Variants in KLHL1 observed in about 807,000 individuals in gnomAD.
The protein encoded by KLHL1 is kelch-like protein 1.
KLHL1 carries 47 observed loss-of-function variants against 77.7 expected under a neutral mutation model. That is an observed-to-expected ratio of 0.60 (90% CI 0.48 to 0.77). KLHL1 has a LOEUF of 0.77. KLHL1 is among the 30% of genes least tolerant of loss of function. The probability of loss-of-function intolerance (pLI) is 0.00; values close to 1 mark genes in which losing one functional copy is unlikely to be tolerated. For missense variants in KLHL1, 925 were observed against 910.8 expected, an observed-to-expected ratio of 1.02 and a Z score of -0.20; for synonymous variants, 360 against 325.2, an observed-to-expected ratio of 1.11 and a Z score of -1.15.
intron 1 of KLHL1, among the ~76,000 whole-genome samples, chr13:70,079,766 G>A (rs897487241): frequency 1.3e-5 from 2 of 152,080 alleles, no homozygotes; most frequent in African/African-American, 4.8e-5. Flanking sequence ...ATGAGGAAAC[G>A]AAGCATTAGT....
chr13:69,887,096 T>C lies in KLHL1; in HGVS notation c.1015-4601A>G, dbSNP rs115793376. 5.3e-3 allele frequency among the ~76,000 whole-genome samples: 807 copies of C among 152,290 alleles called. 10 individuals are homozygous for C. The highest frequency in any genetic ancestry group is 0.018 in the African/African-American group (747 of 41,560). The stretch of plus-strand genomic sequence containing the variant: ...GTATGAAAAATATAATCTTTGGGTC[T>C]AATGTTTTGGGTCTAAGATTTTAAA... On this transcript the variant is annotated intron_variant, in intron 4 of 10. Coordinates refer to ENST00000377844, the MANE Select transcript of KLHL1 (RefSeq NM_020866.3).
At chr13:69,829,574 G>T (rs750343509) in intron 6 of KLHL1, among the ~76,000 whole-genome samples, 12 of 149,864 alleles carry the variant, frequency 8.0e-5, no homozygotes, top group Non-Finnish European at 1.5e-4. Flanking sequence ...ACCAACAATG[G>T]ATCCAAACCA....
chr13:69,961,217 T>C, intron 3 of KLHL1, 91 bp downstream of exon 3: 1 of 1,245,550 alleles, frequency 8.0e-7, no homozygotes. Context: ...AATACAGAAT[T>C]TTTTTTAAAA....
At chr13:70,071,746 A>T (rs913411907) in intron 1 of KLHL1, among the ~76,000 whole-genome samples, 1 of 152,118 alleles carries the variant, frequency 6.6e-6, no homozygotes, top group South Asian at 2.1e-4. Flanking sequence ...TCAATAAGAA[A>T]TTTTAAGGTA....
intron 6 of KLHL1, among the ~76,000 whole-genome samples, chr13:69,818,850 G>T (rs1454740233): frequency 6.6e-6 from 1 of 152,164 alleles, no homozygotes; most frequent in East Asian, 1.9e-4. Flanking sequence ...CAAACATCAA[G>T]TAGGGCAGTA....
intron 9 of KLHL1, among the ~76,000 whole-genome samples, chr13:69,713,068 G>A (rs1330184125): frequency 6.6e-6 from 1 of 152,036 alleles, no homozygotes; most frequent in Non-Finnish European, 1.5e-5. Flanking sequence ...GGGCTCAAGT[G>A]ATCCACCTGA....
At chr13:70,016,023 G>GT (rs1885648523) in intron 1 of KLHL1, among the ~76,000 whole-genome samples, 1 of 152,074 alleles carries the variant, frequency 6.6e-6, no homozygotes, top group Non-Finnish European at 1.5e-5. Flanking sequence ...AAGATTAAAG[G>GT]TTTTATAGCA....
intron 5 of KLHL1, among the ~76,000 whole-genome samples, chr13:69,867,858 G>T (rs562359059): frequency 9.9e-5 from 11 of 110,640 alleles, no homozygotes; most frequent in Non-Finnish European, 1.7e-4. Flanking sequence ...GTTGTGGGGT[G>T]GGGGGAGGGG....
At chr13:70,037,663 T>C (rs1392746111) in intron 1 of KLHL1, among the ~76,000 whole-genome samples, 1 of 152,126 alleles carries the variant, frequency 6.6e-6, no homozygotes, top group Non-Finnish European at 1.5e-5. Context: ...TCTCAGTTGC[T>C]TAACTTTAGT....
At chr13:69,849,495 T>G (rs1036921682) in intron 5 of KLHL1, among the ~76,000 whole-genome samples, 3 of 151,480 alleles carry the variant, frequency 2.0e-5, no homozygotes, top group Non-Finnish European at 3.0e-5. Context: ...TCTTTCTCTC[T>G]CTCTCTATCT....
intron 1 of KLHL1, among the ~76,000 whole-genome samples, chr13:70,030,002 A>G (rs1022557946): frequency 1.3e-5 from 2 of 152,248 alleles, no homozygotes; most frequent in African/African-American, 4.8e-5. Flanking sequence ...AGAGAAGTCC[A>G]TTACATAATG....
At chr13:69,723,980 G>T (rs1445776880) in intron 8 of KLHL1, among the ~76,000 whole-genome samples, 1 of 151,832 alleles carries the variant, frequency 6.6e-6, no homozygotes, top group Non-Finnish European at 1.5e-5. Context: ...TGGGACTACA[G>T]GTGCCCACCA....
At chr13:70,065,490 T>A (rs1044768067) in intron 1 of KLHL1, among the ~76,000 whole-genome samples, 3 of 152,230 alleles carry the variant, frequency 2.0e-5, no homozygotes, top group Middle Eastern at 3.4e-3. Flanking sequence ...AATAAAGAGG[T>A]GTTTACCTAT....
chr13:69,999,415 T>C lies in KLHL1; in HGVS notation c.498-23613A>G, dbSNP rs1441564. 9.9e-3 allele frequency among the ~76,000 whole-genome samples: 1,510 copies of C among 152,220 alleles called. 25 individuals are homozygous for C. The highest frequency in any genetic ancestry group is 0.034 in the African/African-American group (1,423 of 41,556). On this transcript the variant is annotated intron_variant, in intron 1 of 10. Transcript: ENST00000377844. ...TGCATGGGCCTGGCATCAGCATTCC[T>C]TCTCATTATTATGATAATACATACA...
chr13:69,788,795 G>A (rs986305779), intron 7 of KLHL1, among the ~76,000 whole-genome samples: 2 of 152,068 alleles, frequency 1.3e-5, no homozygotes, highest in Non-Finnish European at 2.9e-5. Context: ...ATAAAATGAA[G>A]ATTTTAGAAA....
At chr13:70,091,557 GA>G (rs1887673786) in intron 1 of KLHL1, among the ~76,000 whole-genome samples, 1 of 152,042 alleles carries the variant, frequency 6.6e-6, no homozygotes, top group African/African-American at 2.4e-5. Flanking sequence ...GAAGTTTGTG[GA>G]TCTAAAATTC....
intron 7 of KLHL1, among the ~76,000 whole-genome samples, chr13:69,791,565 G>A (rs768529739): frequency 5.9e-5 from 9 of 152,058 alleles, no homozygotes; most frequent in Admixed American, 1.3e-4. Context: ...AAGAAAATGT[G>A]GGAATGGCAT....
At chr13:70,024,620 T>TTCTCTCTCTCTCTCTCTTTCTCTCTTTC (rs71116979) in intron 1 of KLHL1, among the ~76,000 whole-genome samples, 5,823 of 130,212 alleles carry the variant, frequency 0.045, 507 homozygotes, top group Non-Finnish European at 0.069. Context: ...GAGAAAAGAT[T>TTCTCTCTCTCTCTCTCTTTCTCTCTTTC]TCTCTCTCTC....
intron 6 of KLHL1, among the ~76,000 whole-genome samples, chr13:69,799,765 C>T (rs1877290998): frequency 6.6e-6 from 1 of 152,058 alleles, no homozygotes. Flanking sequence ...GTTCTCTTGC[C>T]TTTTCTATCT....
Sources: gnomAD v4.1 joint callset for allele counts (sites outside exome capture counted in the v4.1 genomes callset) on GRCh38, gnomAD v4.1.1 for gene constraint, MANE v1.5 for transcripts, NCBI Gene and HGNC (gene_info 2026-07-23, HGNC 2026-07-21) for gene names.